The following SPIRE1 variants were observed in gnomAD, a reference collection of about 807,000 sequenced individuals.
The protein encoded by SPIRE1 is spire type actin nucleation factor 1, also known as protein spire homolog 1.
In SPIRE1, 40 loss-of-function variants were observed where a neutral mutation model predicts 94.1. That is an observed-to-expected ratio of 0.43 (90% CI 0.33 to 0.55). SPIRE1 has a LOEUF of 0.55. SPIRE1 is among the 20% of genes least tolerant of loss of function. The probability of loss-of-function intolerance (pLI) is 0.06; values close to 1 mark genes in which losing one functional copy is unlikely to be tolerated. For missense variants in SPIRE1, 838 were observed against 975.2 expected (o/e 0.86, Z 1.87); for synonymous variants, 376 against 371.7 (o/e 1.01, Z -0.13).
At chr18:12,452,923 C>A (rs1486982668) in intron 14 of SPIRE1, 145 bp downstream of exon 14, 2 of 608,750 alleles carry the variant, frequency 3.3e-6, no homozygotes, top group Non-Finnish European at 5.7e-6. Flanking sequence ...TATTCCTAAC[C>A]TACAAGGATA....
chr18:12,589,725 T>C (rs1307039744), intron 2 of SPIRE1, among the ~76,000 whole-genome samples: 1 of 152,186 alleles, frequency 6.6e-6, no homozygotes, highest in Non-Finnish European at 1.5e-5. Context: ...CAACTGCCAA[T>C]TCCTTCTGGT....
At position 12,489,281 on chromosome 18, in the gene SPIRE1, C is replaced by T. The variant is rs1283132600; in HGVS notation, c.1190-3281G>A. On this transcript the variant is annotated intron_variant, in intron 8 of 16. Transcript: ENST00000409402. The stretch of plus-strand genomic sequence containing the variant: ...ATCTTCCACTCACCATTCAAAAAAC[C>T]GTACTTCTAAACTCCTATATTACCT... Among the ~76,000 whole-genome samples the T allele has an allele frequency of 2.0e-5, 3 of 152,264 alleles. 1 individual carries two copies. Among genetic ancestry groups the T allele is most frequent in the East Asian group, 1.9e-4 (1 of 5,182 alleles).
At chr18:12,607,963 T>C (rs2037031178) in intron 2 of SPIRE1, among the ~76,000 whole-genome samples, 1 of 152,048 alleles carries the variant, frequency 6.6e-6, no homozygotes, top group South Asian at 2.1e-4. Flanking sequence ...GAGACCATCC[T>C]GGCTAACACG....
At chr18:12,495,557 G>A (rs1399193452) in intron 7 of SPIRE1, among the ~76,000 whole-genome samples, 1 of 152,130 alleles carries the variant, frequency 6.6e-6, no homozygotes, top group East Asian at 1.9e-4. Context: ...AGACAGCCTT[G>A]TATTAAATAA....
intron 2 of SPIRE1, among the ~76,000 whole-genome samples, chr18:12,591,117 T>C (rs965261282): frequency 6.6e-6 from 1 of 152,020 alleles, no homozygotes; most frequent in African/African-American, 2.4e-5. Flanking sequence ...GCTATTAGGG[T>C]AGTAGTTTGC....
chr18:12,508,713 G>A (rs1307131181), intron 5 of SPIRE1, among the ~76,000 whole-genome samples: 3 of 146,756 alleles, frequency 2.0e-5, no homozygotes, highest in Admixed American at 6.9e-5. Context: ...TGCTCTTGTC[G>A]CCCCATGTTG....
At chr18:12,571,066 CTATT>C (rs2144467069) in intron 2 of SPIRE1, among the ~76,000 whole-genome samples, 1 of 151,830 alleles carries the variant, frequency 6.6e-6, no homozygotes, top group African/African-American at 2.4e-5. Context: ...CTATTTTATC[CTATT>C]TATTTATTAA....
chr18:12,488,577 T>C (rs1039997733), intron 8 of SPIRE1, among the ~76,000 whole-genome samples: 12 of 152,052 alleles, frequency 7.9e-5, no homozygotes, highest in Non-Finnish European at 1.8e-4. Context: ...TAATTTTTAT[T>C]TACAACCCAA....
chr18:12,657,504 G>A (rs2038583526), intron 1 of SPIRE1, 26 bp downstream of exon 1: 7 of 1,228,664 alleles, frequency 5.7e-6, no homozygotes, highest in Non-Finnish European at 7.1e-6. Flanking sequence ...CAAGAACTAC[G>A]AGGGAAAGGG....
At chr18:12,632,926 A>C (rs1345882763) in intron 2 of SPIRE1, among the ~76,000 whole-genome samples, 2 of 152,208 alleles carry the variant, frequency 1.3e-5, no homozygotes, top group Non-Finnish European at 2.9e-5. Flanking sequence ...TTCATATTTC[A>C]TTACCTAAAT....
At chr18:12,571,127 C>T (rs1415942323) in intron 2 of SPIRE1, among the ~76,000 whole-genome samples, 6 of 152,144 alleles carry the variant, frequency 3.9e-5, no homozygotes, top group South Asian at 2.1e-4. Flanking sequence ...CAGGCTGAAA[C>T]GCAGTTGCAC....
chr18:12,632,831 G>A (rs2037820263), intron 2 of SPIRE1, among the ~76,000 whole-genome samples: 1 of 151,984 alleles, frequency 6.6e-6, no homozygotes, highest in Non-Finnish European at 1.5e-5. Flanking sequence ...TACAAAGTGA[G>A]TACTAAACTA....
At position 12,546,617 on chromosome 18, in the gene SPIRE1, A is replaced by G. The variant is rs1193535303; in HGVS notation, c.603+57T>C. 13 of 1,276,576 alleles carry G rather than the reference A, an allele frequency of 1.0e-5. No individual in the cohort carries two copies. In the South Asian group the frequency reaches 1.1e-4, roughly 11 times the overall value. 79.1% of individuals were successfully genotyped at this position (1,276,576 alleles called of 1,614,324 possible). ...CCATCTCTCCAGGGGGGGAAAAAAA[A>G]GAAGAAGAAATAACAACTCTTGAAA... is the stretch of plus-strand genomic sequence containing the variant. On this transcript the variant is annotated intron_variant, in intron 3 of 16. Transcript: ENST00000409402.
intron 1 of SPIRE1, among the ~76,000 whole-genome samples, chr18:12,652,353 A>T (rs1320065109): frequency 6.6e-6 from 1 of 152,218 alleles, no homozygotes; most frequent in Admixed American, 6.5e-5. Context: ...TGTACCTAAT[A>T]AACTTTCCCA....
chr18:12,575,778 A>G (rs2036078228), intron 2 of SPIRE1, among the ~76,000 whole-genome samples: 1 of 152,282 alleles, frequency 6.6e-6, no homozygotes, highest in South Asian at 2.1e-4. Context: ...AAGTAAATGG[A>G]GAAATATACC....
chr18:12,574,937 G>A (rs563971972), intron 2 of SPIRE1, among the ~76,000 whole-genome samples: 2 of 152,318 alleles, frequency 1.3e-5, no homozygotes, highest in East Asian at 3.9e-4. Context: ...TCTAGCACAC[G>A]TCCACTGGAT....
intron 12 of SPIRE1, among the ~76,000 whole-genome samples, chr18:12,460,625 T>C (rs987133524): frequency 2.0e-4 from 31 of 151,560 alleles, no homozygotes; most frequent in Admixed American, 5.9e-4. Flanking sequence ...GGCAGGAGAA[T>C]CGCTTCAATC....
At position 12,593,886 on chromosome 18, in the gene SPIRE1, A is replaced by C. The variant is rs542694811; in HGVS notation, c.372+41176T>G. Among the ~76,000 whole-genome samples the C allele has an allele frequency of 2.5e-3, 373 of 152,096 alleles. 3 individuals carry two copies. The highest frequency in any genetic ancestry group is 8.7e-3 in the African/African-American group (360 of 41,476). The stretch of plus-strand genomic sequence containing the variant: ...AGAATCGCTTGAACCCGGGAGGCGG[A>C]GCTTGCGGTTGAGATTGCGCACCAC... On this transcript the variant is annotated intron_variant, in intron 2 of 16. Coordinates refer to ENST00000409402, the MANE Select transcript of SPIRE1 (RefSeq NM_001128626.2).
chr18:12,596,204 T>C (rs2144612794), intron 2 of SPIRE1, among the ~76,000 whole-genome samples: 1 of 152,300 alleles, frequency 6.6e-6, no homozygotes, highest in Non-Finnish European at 1.5e-5. Flanking sequence ...ATTACCCAAC[T>C]TTTAGTGAAA....
Sources: allele counts gnomAD v4.1 joint callset (sites outside exome capture counted in the v4.1 genomes callset), GRCh38; gene constraint gnomAD v4.1.1; transcripts MANE v1.5; gene names NCBI Gene and HGNC (gene_info 2026-07-23, HGNC 2026-07-21).